The following DHRS7C variants were observed in gnomAD, a reference collection of about 807,000 sequenced individuals.
DHRS7C encodes the protein dehydrogenase/reductase 7C.
Under a neutral mutation model 29.6 loss-of-function variants are expected in DHRS7C, and 28 were observed. That is an observed-to-expected ratio of 0.95 (90% CI 0.70 to 1.30). DHRS7C has a LOEUF of 1.30. Ranked by LOEUF, DHRS7C falls within the 50% of genes most tolerant of loss-of-function variation. DHRS7C has a pLI of 0.00. For synonymous variants in DHRS7C, 158 were observed against 160.2 expected (o/e 0.99, Z 0.10); for missense variants, 403 against 393.3 (o/e 1.02, Z -0.21).
intron 5 of DHRS7C, 61 bp from the exon 6 acceptor site, chr17:9,771,757 C>T: frequency 6.8e-6 from 9 of 1,327,370 alleles, no homozygotes; most frequent in Non-Finnish European, 8.7e-6. Flanking sequence ...CTGGTCAGAG[C>T]CCTGCACATG....
In DHRS7C at chr17:9,791,130, C is replaced by T. The variant is rs765311503; in HGVS notation, c.154+1G>A. ...CACAGGTGGGAGCAAAGCCAGCTTA[C>T]CCTTGCCCAGTCCTGAGATGGCATC... On this transcript the variant is annotated splice_donor_variant, in intron 1 of 5. Transcript: ENST00000571134. LOFTEE classifies it high-confidence loss of function. 1 of 1,611,438 alleles carries T rather than the reference C, an allele frequency of 6.2e-7. No individual in the cohort carries two copies. Among genetic ancestry groups the T allele is most frequent in the Non-Finnish European group, 8.5e-7 (1 of 1,178,766 alleles).
chr17:9,779,154 A>G (rs2066379348), intron 3 of DHRS7C, among the ~76,000 whole-genome samples: 1 of 152,006 alleles, frequency 6.6e-6, no homozygotes, highest in Non-Finnish European at 1.5e-5. Flanking sequence ...ATGATCTGTC[A>G]ACTTTCTATT....
At chr17:9,780,119 C>A (rs2066385648) in intron 2 of DHRS7C, 84 bp from the exon 3 acceptor site, 6 of 1,189,920 alleles carry the variant, frequency 5.0e-6, no homozygotes, top group South Asian at 3.2e-5. Context: ...TAAAAGCCAC[C>A]CATTTTGAAA....
chr17:9,781,836 A>G (rs2066395040), intron 1 of DHRS7C, among the ~76,000 whole-genome samples: 1 of 152,214 alleles, frequency 6.6e-6, no homozygotes, highest in African/African-American at 2.4e-5. Flanking sequence ...CCTTTGTTAG[A>G]AAGTTCTGAT....
At chr17:9,781,425 T>C in intron 2 of DHRS7C, 57 bp downstream of exon 2, 1 of 1,535,242 alleles carries the variant, frequency 6.5e-7, no homozygotes, top group African/African-American at 1.4e-5. Flanking sequence ...TCCTGAACAA[T>C]CAATGGAGGC....
Position 9,772,939 on chromosome 17 carries a change from C to G in DHRS7C, c.572-17G>C. ...AGGCAGCGTCTGCGAGACAAACCAT[C>G]CGGAGGTGGGCGCAGGACACTCCCG... On this transcript the variant is annotated splice_polypyrimidine_tract_variant and intron_variant, in intron 4 of 5. Coordinates refer to ENST00000571134, the MANE Select transcript of DHRS7C (RefSeq NM_001105571.3). 1 of 1,612,556 alleles carries G rather than the reference C, an allele frequency of 6.2e-7. No individual in the cohort carries two copies.
rs1467646976 is a variant in DHRS7C, at chr17:9,774,599, A to G, written c.572-1677T>C. Among the ~76,000 whole-genome samples, 1 of 152,020 alleles carries G rather than the reference A, an allele frequency of 6.6e-6. No homozygotes were observed. The highest frequency in any genetic ancestry group is 1.5e-5 in the Non-Finnish European group (1 of 67,984). ...GTGCCCGGCCCCATGTGGCATGGTT[A>G]ATGCAGGAAAGAGATGTGTGCCTGC... On this transcript the variant is annotated intron_variant, in intron 4 of 5. Transcript: ENST00000571134. This position sits in a 1 kb window ranked among gnomAD's most constrained non-coding sequence, Gnocchi z 5.0.
intron 1 of DHRS7C, among the ~76,000 whole-genome samples, chr17:9,782,739 C>T (rs912507205): frequency 6.6e-6 from 1 of 152,188 alleles, no homozygotes; most frequent in Admixed American, 6.5e-5. Flanking sequence ...GGAAGAGGCA[C>T]CAACAGCACC....
Sources: gnomAD v4.1 joint callset for allele counts (sites outside exome capture counted in the v4.1 genomes callset) on GRCh38, gnomAD v4.1.1 for gene constraint, Gnocchi (gnomAD v3.1) non-coding constraint, MANE v1.5 for transcripts, NCBI Gene and HGNC (gene_info 2026-07-23, HGNC 2026-07-21) for gene names.